The following GRM7 variants were observed in gnomAD, a reference collection of about 807,000 sequenced individuals.
GRM7 encodes the protein metabotropic glutamate receptor 7.
Under a neutral mutation model 84.5 loss-of-function variants are expected in GRM7, and 35 were observed. The ratio of observed to expected loss-of-function variants is 0.41; its 90% CI spans 0.32 to 0.55. The LOEUF (loss-of-function observed/expected upper bound fraction) is 0.55. GRM7 is among the 20% of genes least tolerant of loss of function. The pLI, the probability that GRM7 is intolerant of heterozygous loss-of-function variation, is 0.19. For missense variants in GRM7, 1,003 were observed against 1,194.6 expected, an observed-to-expected ratio of 0.84 and a Z score of 2.36; for synonymous variants, 487 against 455.1, an observed-to-expected ratio of 1.07 and a Z score of -0.89.
At chr3:7,011,892 A>C (rs1695381543) in intron 1 of GRM7, among the ~76,000 whole-genome samples, 1 of 152,202 alleles carries the variant, frequency 6.6e-6, no homozygotes. Context: ...GGAAATAGCA[A>C]ATCAGCCATT....
intron 8 of GRM7, among the ~76,000 whole-genome samples, chr3:7,657,787 T>C (rs941228353): frequency 6.6e-6 from 1 of 152,184 alleles, no homozygotes; most frequent in African/African-American, 2.4e-5. Flanking sequence ...AACCTTACTC[T>C]TCCTGGGAAA....
chr3:7,359,128 GA>G (rs1250833494), intron 4 of GRM7, among the ~76,000 whole-genome samples: 1 of 114,278 alleles, frequency 8.8e-6, no homozygotes, highest in Non-Finnish European at 1.8e-5. Flanking sequence ...AAAAAAAAAA[GA>G]AAAAAAGAAA....
chr3:7,106,900 G>A (rs544522610), intron 1 of GRM7, among the ~76,000 whole-genome samples: 105 of 152,150 alleles, frequency 6.9e-4, no homozygotes, highest in African/African-American at 2.4e-3. Context: ...CAAATGAGAA[G>A]AATAAATCAT....
intron 7 of GRM7, among the ~76,000 whole-genome samples, chr3:7,468,009 A>G (rs1213124580): frequency 1.3e-5 from 2 of 152,234 alleles, no homozygotes; most frequent in Admixed American, 6.5e-5. Flanking sequence ...GACACCTAAG[A>G]CATAAGAAAA....
chr3:6,873,159 C>G (rs1695186031), intron 1 of GRM7, among the ~76,000 whole-genome samples: 1 of 152,136 alleles, frequency 6.6e-6, no homozygotes, highest in South Asian at 2.1e-4. Flanking sequence ...GCAACTTCCA[C>G]CTCCCAGGTT....
At chr3:7,328,324 G>T (rs1444017937) in intron 4 of GRM7, among the ~76,000 whole-genome samples, 1 of 152,138 alleles carries the variant, frequency 6.6e-6, no homozygotes, top group Non-Finnish European at 1.5e-5. Context: ...TTGAAGAAAG[G>T]TTTGATGTAA....
At chr3:7,379,309 T>A (rs1306840657) in intron 4 of GRM7, among the ~76,000 whole-genome samples, 1 of 152,050 alleles carries the variant, frequency 6.6e-6, no homozygotes, top group Non-Finnish European at 1.5e-5. Flanking sequence ...CCCATGCTGG[T>A]CTCAAACTCC....
At chr3:7,054,758 TCTCTACC>T (rs1233957586) in intron 1 of GRM7, among the ~76,000 whole-genome samples, 1 of 151,890 alleles carries the variant, frequency 6.6e-6, no homozygotes, top group Non-Finnish European at 1.5e-5. Context: ...TCTTTCTCTC[TCTCTACC>T]CATCGTTCTC....
chr3:7,344,783 A>G (rs990740378), intron 4 of GRM7, among the ~76,000 whole-genome samples: 7 of 152,142 alleles, frequency 4.6e-5, no homozygotes, highest in Admixed American at 4.6e-4. Flanking sequence ...AGGGGAGGGT[A>G]GAATAGGGAA....
chr3:7,198,885 G>A (rs1487373614), intron 2 of GRM7, among the ~76,000 whole-genome samples: 1 of 152,108 alleles, frequency 6.6e-6, no homozygotes, highest in Non-Finnish European at 1.5e-5. Context: ...TCAAAAGGGT[G>A]GTGAGGTTGA....
At chr3:7,295,429 A>G (rs1471102634) in intron 2 of GRM7, among the ~76,000 whole-genome samples, 1 of 152,186 alleles carries the variant, frequency 6.6e-6, no homozygotes, top group African/African-American at 2.4e-5. Flanking sequence ...TGGTGTGAAT[A>G]TCTAATTTTC....
At chr3:6,888,787 A>C (rs981297505) in intron 1 of GRM7, among the ~76,000 whole-genome samples, 2 of 152,230 alleles carry the variant, frequency 1.3e-5, no homozygotes, top group Non-Finnish European at 2.9e-5. Flanking sequence ...TGGTAGCTTG[A>C]TGGGGATGGC....
At chr3:7,248,380 A>G (rs1291209881) in intron 2 of GRM7, among the ~76,000 whole-genome samples, 3 of 152,170 alleles carry the variant, frequency 2.0e-5, no homozygotes, top group African/African-American at 7.2e-5. Context: ...AACATAGTTT[A>G]TAATTTCATC....
chr3:7,617,797 A>G (rs1335696585), intron 8 of GRM7, among the ~76,000 whole-genome samples: 1 of 152,126 alleles, frequency 6.6e-6, no homozygotes, highest in Non-Finnish European at 1.5e-5. Flanking sequence ...CTCTCCAACA[A>G]ACTATTCCAA....
intron 7 of GRM7, chr3:7,561,502 G>A (rs1458058710): frequency 2.2e-6 from 1 of 456,518 alleles, no homozygotes; most frequent in Non-Finnish European, 4.4e-6. Flanking sequence ...GGATGGGATA[G>A]AGACCATTTG....
chr3:7,739,201 T>C (rs1313333922), intron 9 of GRM7, among the ~76,000 whole-genome samples: 1 of 152,224 alleles, frequency 6.6e-6, no homozygotes, highest in African/African-American at 2.4e-5. Flanking sequence ...TGTTGTATAG[T>C]GTACAGTACC....
At chr3:7,395,064 G>A (rs1011685870) in intron 4 of GRM7, among the ~76,000 whole-genome samples, 3 of 151,164 alleles carry the variant, frequency 2.0e-5, no homozygotes, top group Admixed American at 6.6e-5. Context: ...AAAGTTATAA[G>A]CGTATCTTAT....
At chr3:7,274,285 G>T (rs921060343) in intron 2 of GRM7, among the ~76,000 whole-genome samples, 7 of 151,838 alleles carry the variant, frequency 4.6e-5, no homozygotes, top group African/African-American at 1.4e-4. Context: ...TCATCTGTTA[G>T]ATCAATAAAG....
At chr3:7,362,955 GAAAATA>G (rs1252778726) in intron 4 of GRM7, among the ~76,000 whole-genome samples, 1 of 151,826 alleles carries the variant, frequency 6.6e-6, no homozygotes, top group Non-Finnish European at 1.5e-5. Context: ...ATGTCTGCAA[GAAAATA>G]AAAATAAAAA....
Sources: allele counts gnomAD v4.1 joint callset (sites outside exome capture counted in the v4.1 genomes callset), GRCh38; gene constraint gnomAD v4.1.1; transcripts MANE v1.5; gene names NCBI Gene and HGNC (gene_info 2026-07-23, HGNC 2026-07-21).